The following QSER1 variants were observed in gnomAD, a reference collection of about 807,000 sequenced individuals.
QSER1 encodes glutamine and serine rich 1.
In QSER1, 49 loss-of-function variants were observed where a neutral mutation model predicts 158.5. That is an observed-to-expected ratio of 0.31 (90% CI 0.25 to 0.39). The LOEUF (loss-of-function observed/expected upper bound fraction) is 0.39. Among genes scored for constraint, QSER1 ranks in the 10% least tolerant of loss-of-function variants. The probability of loss-of-function intolerance (pLI) is 1.00; values close to 1 mark genes in which losing one functional copy is unlikely to be tolerated. For synonymous variants in QSER1, 650 were observed against 715.5 expected (o/e 0.91, Z 1.46); for missense variants, 1,754 against 2,010.3 (o/e 0.87, Z 2.44).
chr11:32,937,249 G>A (rs1033208225), intron 4 of QSER1, among the ~76,000 whole-genome samples: 2 of 151,966 alleles, frequency 1.3e-5, no homozygotes, highest in East Asian at 3.9e-4. Flanking sequence ...TTGGACTATT[G>A]CAACTGATTA....
In QSER1 at chr11:32,956,259, T is replaced by C. The variant is rs1852510261; in HGVS notation, c.4751+138T>C. The C allele has an allele frequency of 9.9e-6, 7 of 705,588 alleles. No homozygotes were observed. The East Asian group carries it at 2.0e-4, about 20-fold the overall frequency. 43.7% of individuals were successfully genotyped at this position (705,588 alleles called of 1,614,324 possible). A position where few individuals can be genotyped will look rare whatever the true frequency, so the allele number is the denominator to read the frequency against. On this transcript the variant is annotated intron_variant, in intron 7 of 12. Transcript: ENST00000650167. Reference sequence around the variant, plus strand: ...CAAAAAATTTCAGTGCCTGATGAAATAAGTGATTCTTTTGAAGGCATGAGA... The same window carrying C: ...CAAAAAATTTCAGTGCCTGATGAAACAAGTGATTCTTTTGAAGGCATGAGA...
chr11:32,897,735 A>C lies in QSER1; in HGVS notation c.209+4401A>C, dbSNP rs1366969828. On this transcript the variant is annotated intron_variant, in intron 1 of 12. Transcript: ENST00000650167. ...GAGCAGACTCTTCTCAGGACCTCAG[A>C]CTCTTCTGAAAACCTGATCACATAA... Among the ~76,000 whole-genome samples the C allele has an allele frequency of 3.9e-5, 6 of 151,994 alleles. No homozygotes were observed. The East Asian group carries it at 7.7e-4, about 20-fold the overall frequency.
In QSER1 at chr11:32,980,057, G is replaced by A. The variant is rs1853044757; in HGVS notation, c.*3583G>A. 1 of 152,568 alleles carries A rather than the reference G, an allele frequency of 6.6e-6. No individual in the cohort carries two copies. The highest frequency in any genetic ancestry group is 1.5e-5 in the Non-Finnish European group (1 of 67,998). 9.5% of individuals were successfully genotyped at this position (152,568 alleles called of 1,614,324 possible). A position where few individuals can be genotyped will look rare whatever the true frequency, so the allele number is the denominator to read the frequency against. Reference sequence around the variant, plus strand: ...GCATTAACTTACATGTATAATTTTTGGCATCTGTGTTCACAAATGCATGTG... The same window carrying A: ...GCATTAACTTACATGTATAATTTTTAGCATCTGTGTTCACAAATGCATGTG... On this transcript the variant is annotated 3_prime_UTR_variant, in exon 13 of 13. Coordinates refer to ENST00000650167, the MANE Select transcript of QSER1 (RefSeq NM_001076786.3).
intron 3 of QSER1, among the ~76,000 whole-genome samples, chr11:32,930,330 G>A (rs1474664273): frequency 6.6e-6 from 1 of 152,090 alleles, no homozygotes; most frequent in African/African-American, 2.4e-5. Context: ...TTCTAGTTCA[G>A]TGTATTATTT....
At chr11:32,975,225 T>C in intron 11 of QSER1, 23 bp from the exon 12 acceptor site, 1 of 1,488,958 alleles carries the variant, frequency 6.7e-7, no homozygotes, top group South Asian at 1.3e-5. Context: ...GAAATGTATC[T>C]ATAAACTTTT....
chr11:32,937,888 A>G (rs1422037082), intron 4 of QSER1, among the ~76,000 whole-genome samples: 5 of 152,230 alleles, frequency 3.3e-5, no homozygotes, highest in Non-Finnish European at 5.9e-5. Flanking sequence ...TTTTTAGTCT[A>G]GAAGATACTT....
chr11:32,923,536 G>A (rs149016770), intron 1 of QSER1, among the ~76,000 whole-genome samples: 1 of 152,042 alleles, frequency 6.6e-6, no homozygotes, highest in Admixed American at 6.6e-5. Context: ...AAATTAGCCT[G>A]GCGCAGTGGT....
At chr11:32,904,601 CTT>C (rs61491135) in intron 1 of QSER1, among the ~76,000 whole-genome samples, 2,243 of 114,282 alleles carry the variant, frequency 0.02, 29 homozygotes, top group South Asian at 0.04. Flanking sequence ...CATATCCACT[CTT>C]TTTTTTTTTT....
At chr11:32,930,736 ATAAC>A (rs1852034367) in intron 3 of QSER1, among the ~76,000 whole-genome samples, 1 of 152,216 alleles carries the variant, frequency 6.6e-6, no homozygotes, top group African/African-American at 2.4e-5. Context: ...ACTGTAAACA[ATAAC>A]TATAATGAAT....
At chr11:32,920,014 T>G (rs1240363555) in intron 1 of QSER1, among the ~76,000 whole-genome samples, 2 of 152,164 alleles carry the variant, frequency 1.3e-5, no homozygotes, top group African/African-American at 4.8e-5. Flanking sequence ...CAAGATACTC[T>G]AGACTCATCT....
At chr11:32,936,032 C>G (rs905816372) in intron 4 of QSER1, among the ~76,000 whole-genome samples, 6 of 151,962 alleles carry the variant, frequency 3.9e-5, no homozygotes, top group Non-Finnish European at 7.4e-5. Context: ...GCTAAGGGAG[C>G]TTTAGAGGAA....
Position 32,976,673 on chromosome 11 carries a change from C to A in QSER1, c.*199C>A. The A allele has an allele frequency of 1.9e-6, 1 of 518,460 alleles. No individual in the cohort carries two copies. Among genetic ancestry groups the A allele is most frequent in the South Asian group, 2.8e-5 (1 of 36,242 alleles). 32.1% of individuals were successfully genotyped at this position (518,460 alleles called of 1,614,324 possible). ...GTCCTCTGGAAATGGACCTAAATCC[C>A]ACCACATTTTTACCCTAATGAATGA... On this transcript the variant is annotated 3_prime_UTR_variant, in exon 13 of 13. Coordinates refer to ENST00000650167, the MANE Select transcript of QSER1 (RefSeq NM_001076786.3).
Position 32,893,587 on chromosome 11 carries a change from T to TG in QSER1, c.209+253_209+254insG, listed in dbSNP as rs1851514927. Among the ~76,000 whole-genome samples the TG allele has an allele frequency of 2.0e-5, 3 of 152,058 alleles. No homozygotes were observed. The highest frequency in any genetic ancestry group is 6.5e-5 in the Admixed American group (1 of 15,274). ...GCTGGGCGGGAGTCGTGGGGCTCCGTCACCTCTTGGGTCCTGGGCTCTCAC... is the reference window on the plus strand; with the variant it reads ...GCTGGGCGGGAGTCGTGGGGCTCCGTGCACCTCTTGGGTCCTGGGCTCTCAC... On this transcript the variant is annotated intron_variant, in intron 1 of 12. Transcript: ENST00000650167. This position sits in a 1 kb window ranked among gnomAD's most constrained non-coding sequence, Gnocchi z 4.7.
In QSER1 at chr11:32,976,520, A is replaced by G. The variant is rs1852981307; in HGVS notation, c.*46A>G. On this transcript the variant is annotated 3_prime_UTR_variant, in exon 13 of 13. Coordinates refer to ENST00000650167, the MANE Select transcript of QSER1 (RefSeq NM_001076786.3). ...CTTTTTATAGCACTAATGAAATGGCAGATATGGGGTGGTCAAAGATAATCA... is the reference window on the plus strand; with the variant it reads ...CTTTTTATAGCACTAATGAAATGGCGGATATGGGGTGGTCAAAGATAATCA... The G allele has an allele frequency of 2.5e-6, 4 of 1,593,440 alleles. No individual in the cohort carries two copies. The highest frequency in any genetic ancestry group is 1.4e-5 in the African/African-American group (1 of 73,902).
At chr11:32,895,344 C>T (rs539265593) in intron 1 of QSER1, among the ~76,000 whole-genome samples, 54 of 152,278 alleles carry the variant, frequency 3.5e-4, no homozygotes, top group African/African-American at 1.3e-3. Context: ...CCTCCCCCGC[C>T]AGCCTGCTTT....
intron 8 of QSER1, among the ~76,000 whole-genome samples, chr11:32,962,211 T>C (rs1852637718): frequency 6.6e-6 from 1 of 152,192 alleles, no homozygotes; most frequent in Non-Finnish European, 1.5e-5. Context: ...GGTATCTCAT[T>C]GTGGTTTCAG....
In QSER1 at chr11:32,933,227, A is replaced by G. The variant is rs1471723529; in HGVS notation, c.1969A>G (p.Thr657Ala). ...AVQSSSFASS[T>A]HCQTLQNNIT... ...CCAGTCATCATCTTTTGCATCCTCT[A>G]CTCATTGTCAGACATTACAAAATAA... The change falls in exon 4 of 13, where the codon ACT becomes GCT. Residue 657 changes from threonine to alanine, a missense_variant. Physicochemically the swap from Thr to Ala is moderately conservative, Grantham distance 58. Transcript: ENST00000650167. 6.2e-7 allele frequency: 1 copy of G among 1,613,646 alleles called. No homozygotes were observed. Among genetic ancestry groups the G allele is most frequent in the African/African-American group, 1.3e-5 (1 of 74,844 alleles).
chr11:32,943,142 A>C (rs1001049681), intron 4 of QSER1, among the ~76,000 whole-genome samples: 4 of 152,040 alleles, frequency 2.6e-5, no homozygotes, highest in Admixed American at 2.6e-4. Context: ...GGCTGAGACA[A>C]TGGGGTTTTC....
At position 32,933,116 on chromosome 11, in the gene QSER1, C is replaced by T; in HGVS notation, c.1858C>T (p.Gln620Ter). 1 of 1,613,612 alleles carries T rather than the reference C, an allele frequency of 6.2e-7. No individual in the cohort carries two copies. Among genetic ancestry groups the T allele is most frequent in the Non-Finnish European group, 8.5e-7 (1 of 1,179,916 alleles). Residue 620 changes from glutamine (Q) to a stop codon, truncating the protein, a stop_gained, in exon 4 of 13, where the codon CAG (glutamine) becomes TAG (stop). Transcript: ENST00000650167. LOFTEE classifies it high-confidence loss of function. ...AQNLPDSSPT[Q>*]NYISMHSSQN... is the part of the protein sequence containing the mutation. ...GAATTTGCCAGACTCTAGCCCGACC[C>T]AGAATTATATTTCTATGCATTCTTC...
Sources: allele counts gnomAD v4.1 joint callset (sites outside exome capture counted in the v4.1 genomes callset), GRCh38; gene constraint gnomAD v4.1.1; non-coding constraint Gnocchi (gnomAD v3.1); transcripts MANE v1.5; gene names NCBI Gene and HGNC (gene_info 2026-07-23, HGNC 2026-07-21).